Variants in PCDH15 observed in about 807,000 individuals in gnomAD.
PCDH15 encodes the protein protocadherin related 15.
PCDH15 carries 129 observed loss-of-function variants against 178.5 expected under a neutral mutation model. The ratio of observed to expected loss-of-function variants is 0.72; its 90% CI spans 0.63 to 0.84. The LOEUF is 0.84. Among genes scored for constraint, PCDH15 ranks in the 40% least tolerant of loss-of-function variants. PCDH15 has a pLI of 0.00. For synonymous variants in PCDH15, 800 were observed against 732.0 expected, an observed-to-expected ratio of 1.09 and a Z score of -1.50; for missense variants, 2,230 against 2,099.9, an observed-to-expected ratio of 1.06 and a Z score of -1.21.
chr10:54,890,154 T>A (rs1954433868), intron 3 of PCDH15, among the ~76,000 whole-genome samples: 1 of 151,966 alleles, frequency 6.6e-6, no homozygotes, highest in Non-Finnish European at 1.5e-5. Context: ...GATGATATGA[T>A]AGGTGACTAT....
intron 2 of PCDH15, among the ~76,000 whole-genome samples, chr10:54,986,488 G>C (rs1839367989): frequency 6.6e-6 from 1 of 152,028 alleles, no homozygotes; most frequent in Admixed American, 6.6e-5. Flanking sequence ...AAATAAATCT[G>C]TATTTGAATT....
chr10:55,602,214 C>T (rs1473578868), intron 2 of PCDH15, among the ~76,000 whole-genome samples: 2 of 152,190 alleles, frequency 1.3e-5, no homozygotes, highest in African/African-American at 2.4e-5. Flanking sequence ...AGATTATACC[C>T]CGCACCTGGC....
chr10:54,207,737 A>G (rs897772429), intron 10 of PCDH15, among the ~76,000 whole-genome samples: 1 of 152,044 alleles, frequency 6.6e-6, no homozygotes, highest in African/African-American at 2.4e-5. Context: ...CCTTAGTTCT[A>G]TCCAAGTGTA....
At chr10:55,378,622 C>A (rs939797262) in intron 2 of PCDH15, among the ~76,000 whole-genome samples, 2 of 152,048 alleles carry the variant, frequency 1.3e-5, no homozygotes, top group South Asian at 2.1e-4. Flanking sequence ...CAAAAAAATT[C>A]TATAACCATT....
At chr10:53,845,109 T>A (rs1431077642) in intron 28 of PCDH15, among the ~76,000 whole-genome samples, 1 of 151,910 alleles carries the variant, frequency 6.6e-6, no homozygotes, top group Non-Finnish European at 1.5e-5. Context: ...TCAATAGGCA[T>A]ATGAAAAAAT....
intron 2 of PCDH15, among the ~76,000 whole-genome samples, chr10:54,584,898 A>C (rs756240545): frequency 2.6e-5 from 4 of 152,152 alleles, no homozygotes; most frequent in Non-Finnish European, 4.4e-5. Flanking sequence ...TTAATAAAAC[A>C]AAACAAGGAA....
At chr10:55,610,623 G>C (rs912824882) in intron 2 of PCDH15, among the ~76,000 whole-genome samples, 6 of 152,086 alleles carry the variant, frequency 3.9e-5, no homozygotes, top group African/African-American at 1.4e-4. Context: ...AGACGTTTCT[G>C]TTTTATATAC....
chr10:54,059,793 G>A (rs1208384519), intron 18 of PCDH15, among the ~76,000 whole-genome samples: 1 of 152,202 alleles, frequency 6.6e-6, no homozygotes, highest in Non-Finnish European at 1.5e-5. Flanking sequence ...ATGGTCATTG[G>A]AGAATCCTGT....
At chr10:55,192,558 C>T (rs58928910) in intron 1 of PCDH15, among the ~76,000 whole-genome samples, 5 of 151,586 alleles carry the variant, frequency 3.3e-5, no homozygotes, top group Non-Finnish European at 7.4e-5. Flanking sequence ...ATATTGAAAT[C>T]TGGGAGTTTC....
chr10:54,021,443 TG>T (rs1313731536), intron 19 of PCDH15, among the ~76,000 whole-genome samples: 1 of 152,094 alleles, frequency 6.6e-6, no homozygotes, highest in Non-Finnish European at 1.5e-5. Context: ...TAAAATCCCC[TG>T]GTTTTTAATT....
At chr10:54,918,900 G>A (rs1837414379) in intron 2 of PCDH15, among the ~76,000 whole-genome samples, 3 of 152,112 alleles carry the variant, frequency 2.0e-5, no homozygotes, top group Admixed American at 2.0e-4. Context: ...AACATCATAA[G>A]TGAGCCTAAC....
intron 26 of PCDH15, among the ~76,000 whole-genome samples, chr10:53,870,304 ATTTTC>A: frequency 6.6e-6 from 1 of 152,280 alleles, no homozygotes; most frequent in Non-Finnish European, 1.5e-5. Flanking sequence ...AGAAATAACT[ATTTTC>A]TTTTATGATT....
chr10:54,415,718 T>C (rs1954251733), intron 3 of PCDH15, among the ~76,000 whole-genome samples: 1 of 151,802 alleles, frequency 6.6e-6, no homozygotes, highest in South Asian at 2.1e-4. Flanking sequence ...TAAAGGTAAA[T>C]TTAGTGTGAC....
chr10:54,906,676 T>C (rs1339012344), intron 2 of PCDH15, among the ~76,000 whole-genome samples: 1 of 151,890 alleles, frequency 6.6e-6, no homozygotes, highest in Non-Finnish European at 1.5e-5. Flanking sequence ...GGAGAGAGAG[T>C]GCCCAACATT....
At chr10:54,812,231 T>C (rs1163339668) in intron 3 of PCDH15, among the ~76,000 whole-genome samples, 1 of 151,800 alleles carries the variant, frequency 6.6e-6, no homozygotes, top group East Asian at 1.9e-4. Flanking sequence ...AAACACAAAA[T>C]TGTTGGTTCC....
Position 55,515,238 on chromosome 10 carries a change from C to T in PCDH15, c.-156+112387G>A, listed in dbSNP as rs183959314. On this transcript the variant is annotated intron_variant, in intron 2 of 5. Transcript: ENST00000613346. ...TCCTGACCTCAAGTGATCTGCCTTCCAAAGTGCTAGGATTACAGGCATGAG... is the reference window on the plus strand; with the variant it reads ...TCCTGACCTCAAGTGATCTGCCTTCTAAAGTGCTAGGATTACAGGCATGAG... Among the ~76,000 whole-genome samples the T allele has an allele frequency of 9.2e-5, 14 of 152,028 alleles. No individual in the cohort carries two copies. In the East Asian group the frequency reaches 2.7e-3, roughly 30 times the overall value.
At chr10:54,987,650 G>T (rs771022253) in intron 2 of PCDH15, among the ~76,000 whole-genome samples, 13 of 150,180 alleles carry the variant, frequency 8.7e-5, no homozygotes, top group Non-Finnish European at 1.5e-4. Flanking sequence ...TTTTTTGGCC[G>T]CATAAATGTC....
chr10:54,441,572 T>C (rs1054600573), intron 3 of PCDH15, among the ~76,000 whole-genome samples: 2 of 151,874 alleles, frequency 1.3e-5, no homozygotes, highest in African/African-American at 4.8e-5. Flanking sequence ...TGTTGCAAGT[T>C]CAATAAGTTA....
chr10:54,597,160 A>G (rs565771018), intron 2 of PCDH15, among the ~76,000 whole-genome samples: 1 of 152,310 alleles, frequency 6.6e-6, no homozygotes, highest in Non-Finnish European at 1.5e-5. Context: ...TCTCATGTAC[A>G]CACAACACAT....
Sources: allele counts gnomAD v4.1 joint callset (sites outside exome capture counted in the v4.1 genomes callset), GRCh38; gene constraint gnomAD v4.1.1; transcripts MANE v1.5; gene names NCBI Gene and HGNC (gene_info 2026-07-23, HGNC 2026-07-21).